Variants in EIPR1 observed in about 807,000 individuals in gnomAD.
EIPR1 encodes EARP and GARP complex-interacting protein 1.
EIPR1 carries 25 observed loss-of-function variants against 48.1 expected under a neutral mutation model. The observed-to-expected ratio is 0.52, with a 90% CI of 0.38 to 0.73. The LOEUF (loss-of-function observed/expected upper bound fraction) is 0.73. Ranked by LOEUF, EIPR1 falls within the 30% of genes least tolerant of loss-of-function variation. The pLI, the probability that EIPR1 is intolerant of heterozygous loss-of-function variation, is 0.00. For missense variants in EIPR1, 415 were observed against 506.2 expected (o/e 0.82, Z 1.73); for synonymous variants, 204 against 201.9 (o/e 1.01, Z -0.09).
At chr2:3,193,754 T>A (rs1037066810) in intron 7 of EIPR1, among the ~76,000 whole-genome samples, 1 of 152,248 alleles carries the variant, frequency 6.6e-6, no homozygotes, top group African/African-American at 2.4e-5. Context: ...TTTATTTTTG[T>A]ATACTTGAAC....
chr2:3,243,663 AT>A (rs923759332), intron 4 of EIPR1, among the ~76,000 whole-genome samples: 2 of 151,948 alleles, frequency 1.3e-5, no homozygotes, highest in Non-Finnish European at 2.9e-5. Context: ...TAAATTAAAA[AT>A]TTTTTTTAAA....
chr2:3,230,337 C>T (rs2100419), intron 4 of EIPR1, among the ~76,000 whole-genome samples: 139,178 of 152,198 alleles, frequency 0.91, 64,124 homozygotes, highest in East Asian at 0.98. Flanking sequence ...CATTTTCTTA[C>T]TCTTTGTGGG....
At chr2:3,270,959 C>T (rs191804288) in intron 3 of EIPR1, among the ~76,000 whole-genome samples, 69 of 152,370 alleles carry the variant, frequency 4.5e-4, no homozygotes, top group Non-Finnish European at 8.2e-4. Context: ...CTTTAAAACC[C>T]TAACACTGCT....
At chr2:3,345,749 A>G (rs1228481139) in intron 2 of EIPR1, among the ~76,000 whole-genome samples, 2 of 152,194 alleles carry the variant, frequency 1.3e-5, no homozygotes, top group African/African-American at 4.8e-5. Context: ...GGGAGGTGGC[A>G]CCGTGGCACT....
chr2:3,297,549 A>C (rs968935232), intron 3 of EIPR1, among the ~76,000 whole-genome samples: 1 of 152,254 alleles, frequency 6.6e-6, no homozygotes, highest in Non-Finnish European at 1.5e-5. Context: ...GCCCAGGGGA[A>C]ACAGCCAGGT....
rs114790938 is a variant in EIPR1 at position 3,324,384 on chromosome 2, G to A, written c.259+13633C>T. ...CCACCTGGCTTTCCCAGCTCCTCCC[G>A]GGCAGTGGCCCAGTGCTTAGACAGT... On this transcript the variant is annotated intron_variant, in intron 3 of 8. Coordinates refer to ENST00000382125, the MANE Select transcript of EIPR1 (RefSeq NM_003310.5). Among the ~76,000 whole-genome samples, 859 of 152,260 alleles carry A rather than the reference G, an allele frequency of 5.6e-3. 11 individuals are homozygous for A. The highest frequency in any genetic ancestry group is 0.02 in the African/African-American group (825 of 41,528).
At chr2:3,259,540 G>A (rs941992410) in intron 3 of EIPR1, among the ~76,000 whole-genome samples, 4 of 152,138 alleles carry the variant, frequency 2.6e-5, no homozygotes, top group Admixed American at 2.0e-4. Flanking sequence ...TTCATGTAGC[G>A]CTATTCACCT....
At chr2:3,196,434 T>C (rs1310687861) in intron 6 of EIPR1, among the ~76,000 whole-genome samples, 4 of 152,186 alleles carry the variant, frequency 2.6e-5, no homozygotes, top group Non-Finnish European at 5.9e-5. Flanking sequence ...GTATAATTAC[T>C]TAAATGACAA....
chr2:3,204,953 C>T (rs1000393407), intron 5 of EIPR1, among the ~76,000 whole-genome samples: 7 of 151,974 alleles, frequency 4.6e-5, no homozygotes, highest in African/African-American at 9.7e-5. Context: ...ACTTGCAGGC[C>T]GCACTCACAG....
intron 3 of EIPR1, among the ~76,000 whole-genome samples, chr2:3,303,768 G>T (rs1262338162): frequency 6.6e-6 from 1 of 152,140 alleles, no homozygotes. Flanking sequence ...CGGCCTCTGC[G>T]CCCGGGAAGC....
chr2:3,353,094 G>C, intron 2 of EIPR1: 1 of 383,610 alleles, frequency 2.6e-6, no homozygotes, highest in Non-Finnish European at 5.3e-6. Context: ...AATAATCATT[G>C]TGTTTTTATT....
chr2:3,271,143 A>T (rs1667690758), intron 3 of EIPR1, among the ~76,000 whole-genome samples: 1 of 152,218 alleles, frequency 6.6e-6, no homozygotes, highest in East Asian at 1.9e-4. Context: ...ATTCAGTCCC[A>T]TCTTCAGGCT....
intron 7 of EIPR1, 80 bp from the exon 8 acceptor site, chr2:3,192,661 C>CCCCA (rs2103102993): frequency 6.9e-7 from 1 of 1,458,662 alleles, no homozygotes; most frequent in African/African-American, 1.4e-5. Flanking sequence ...GCTCTGAGGG[C>CCCCA]CCCACTAGGC....
At chr2:3,292,564 T>C (rs1315778193) in intron 3 of EIPR1, among the ~76,000 whole-genome samples, 2 of 152,184 alleles carry the variant, frequency 1.3e-5, no homozygotes, top group Non-Finnish European at 2.9e-5. Context: ...GTCCCTCTTT[T>C]ATGAGGAATG....
At chr2:3,269,763 C>T (rs988712802) in intron 3 of EIPR1, among the ~76,000 whole-genome samples, 3 of 152,240 alleles carry the variant, frequency 2.0e-5, no homozygotes, top group Non-Finnish European at 4.4e-5. Context: ...GTGGAAATCT[C>T]GCTTCGTCCA....
In EIPR1 at chr2:3,317,835, T is replaced by A. The variant is rs574906797; in HGVS notation, c.259+20182A>T. On this transcript the variant is annotated intron_variant, in intron 3 of 8. Transcript: ENST00000382125. Reference sequence around the variant, plus strand: ...TGATGCCACGGTGAGAAGGGACCGATGGCAGGCCCAGAGCATAGCCTCAGG... The same window carrying A: ...TGATGCCACGGTGAGAAGGGACCGAAGGCAGGCCCAGAGCATAGCCTCAGG... Among the ~76,000 whole-genome samples the A allele has an allele frequency of 2.6e-5, 4 of 152,318 alleles. No homozygotes were observed. In the South Asian group the frequency reaches 8.3e-4, roughly 32 times the overall value.
chr2:3,209,212 G>C (rs73131447), intron 5 of EIPR1, among the ~76,000 whole-genome samples: 3,741 of 152,232 alleles, frequency 0.025, 155 homozygotes, highest in African/African-American at 0.083. Context: ...GGGCTCCCTG[G>C]GGTCTCCTTC....
chr2:3,337,736 T>C (rs1031592831), intron 3 of EIPR1, among the ~76,000 whole-genome samples: 1 of 152,166 alleles, frequency 6.6e-6, no homozygotes, highest in Non-Finnish European at 1.5e-5. Flanking sequence ...ATCAGGACAC[T>C]TGTGTCTGCC....
At position 3,194,063 on chromosome 2, in the gene EIPR1, C is replaced by G; in HGVS notation, c.757G>C (p.Val253Leu). The change falls in exon 7 of 9, where the codon GTG becomes CTG. Residue 253 changes from valine (V) to leucine (L), a missense_variant. Coordinates refer to ENST00000382125, the MANE Select transcript of EIPR1 (RefSeq NM_003310.5). The stretch of plus-strand genomic sequence containing the variant: ...ACATTTCGGGTGTCCCAGAACTTCA[C>G]CTTACAGTCGTCTCCGCAGCTGGCC... ...YLASCGDDCK[V>L]KFWDTRNVTE... The G allele has an allele frequency of 6.2e-7, 1 of 1,613,912 alleles. No homozygotes were observed. The highest frequency in any genetic ancestry group is 8.5e-7 in the Non-Finnish European group (1 of 1,180,008).
Sources: allele counts gnomAD v4.1 joint callset (sites outside exome capture counted in the v4.1 genomes callset), GRCh38; gene constraint gnomAD v4.1.1; transcripts MANE v1.5; gene names NCBI Gene and HGNC (gene_info 2026-07-23, HGNC 2026-07-21).